Variants in KCNQ5 observed in about 807,000 individuals in gnomAD.
KCNQ5 encodes potassium voltage-gated channel subfamily KQT member 5.
In KCNQ5, 30 loss-of-function variants were observed where a neutral mutation model predicts 98.2. That is an observed-to-expected ratio of 0.31 (90% CI 0.23 to 0.41). The LOEUF (loss-of-function observed/expected upper bound fraction) is 0.41, where lower values mean the gene tolerates loss of function less well. Ranked by LOEUF, KCNQ5 falls within the 10% of genes least tolerant of loss-of-function variation. The pLI, the probability that KCNQ5 is intolerant of heterozygous loss-of-function variation, is 1.00. For synonymous variants in KCNQ5, 458 were observed against 449.4 expected (o/e 1.02, Z -0.24); for missense variants, 835 against 1,182.5 (o/e 0.71, Z 4.31).
chr6:73,094,974 C>G (rs895458085), intron 5 of KCNQ5, among the ~76,000 whole-genome samples: 1 of 152,172 alleles, frequency 6.6e-6, no homozygotes, highest in Non-Finnish European at 1.5e-5. Context: ...AGGTCTCTAG[C>G]AATGCTGGGG....
At chr6:73,002,384 C>A (rs543431979) in intron 1 of KCNQ5, among the ~76,000 whole-genome samples, 1 of 152,114 alleles carries the variant, frequency 6.6e-6, no homozygotes, top group African/African-American at 2.4e-5. Flanking sequence ...TGCTACACAA[C>A]CTTGGAAGAG....
chr6:72,665,808 T>C (rs1036824081), intron 1 of KCNQ5, among the ~76,000 whole-genome samples: 33 of 152,180 alleles, frequency 2.2e-4, no homozygotes, highest in African/African-American at 8.0e-4. Flanking sequence ...GTAATAGCCT[T>C]AGGAGGCCAC....
chr6:73,118,542 T>TAAATG (rs574509995), intron 7 of KCNQ5, among the ~76,000 whole-genome samples: 135 of 152,352 alleles, frequency 8.9e-4, no homozygotes, highest in Non-Finnish European at 1.6e-3. Context: ...ATAGGATACT[T>TAAATG]AAATGTTCAG....
chr6:72,627,026 G>A (rs956650949), intron 1 of KCNQ5, among the ~76,000 whole-genome samples: 1 of 152,160 alleles, frequency 6.6e-6, no homozygotes, highest in Non-Finnish European at 1.5e-5. Context: ...GGCTTTTTGA[G>A]TCATTCAGGT....
intron 1 of KCNQ5, among the ~76,000 whole-genome samples, chr6:72,636,734 A>G (rs1223299289): frequency 6.6e-6 from 1 of 152,252 alleles, no homozygotes; most frequent in Admixed American, 6.5e-5. Flanking sequence ...GCTTAACATA[A>G]ATAAGACATA....
intron 1 of KCNQ5, among the ~76,000 whole-genome samples, chr6:72,906,919 T>C (rs1049737762): frequency 3.9e-5 from 6 of 152,334 alleles, no homozygotes; most frequent in African/African-American, 1.4e-4. Flanking sequence ...TGCCTCTCAT[T>C]TGCCATGATG....
intron 1 of KCNQ5, among the ~76,000 whole-genome samples, chr6:72,762,582 G>A (rs532873233): frequency 3.7e-4 from 56 of 152,154 alleles, no homozygotes; most frequent in African/African-American, 8.9e-4. Context: ...ACATCAGGAC[G>A]AAAAGGTGGT....
At chr6:73,183,256 A>T (rs1485442820) in intron 11 of KCNQ5, among the ~76,000 whole-genome samples, 1 of 152,240 alleles carries the variant, frequency 6.6e-6, no homozygotes, top group Non-Finnish European at 1.5e-5. Flanking sequence ...GAGCCTTGGC[A>T]TCTGCAGTAA....
At chr6:72,848,404 T>A (rs1777105882) in intron 1 of KCNQ5, among the ~76,000 whole-genome samples, 2 of 152,216 alleles carry the variant, frequency 1.3e-5, no homozygotes, top group South Asian at 4.2e-4. Flanking sequence ...CCCTTAATAG[T>A]GATAAAGTTT....
At chr6:73,114,526 CT>C in intron 7 of KCNQ5, among the ~76,000 whole-genome samples, 1 of 152,286 alleles carries the variant, frequency 6.6e-6, no homozygotes, top group South Asian at 2.1e-4. Flanking sequence ...CTGGAGCAGT[CT>C]GGAAAAAGAA....
intron 2 of KCNQ5, among the ~76,000 whole-genome samples, chr6:73,032,321 C>T (rs1298577251): frequency 6.6e-6 from 1 of 152,124 alleles, no homozygotes; most frequent in Non-Finnish European, 1.5e-5. Context: ...GCACCTGTCA[C>T]CATGCCTGGC....
At chr6:72,950,862 A>G (rs1209782036) in intron 1 of KCNQ5, among the ~76,000 whole-genome samples, 2 of 152,220 alleles carry the variant, frequency 1.3e-5, no homozygotes, top group Non-Finnish European at 2.9e-5. Flanking sequence ...ATAAGGATTA[A>G]TCATCCAAAT....
chr6:72,957,170 C>CTTT (rs11374806), intron 1 of KCNQ5, among the ~76,000 whole-genome samples: 25 of 125,288 alleles, frequency 2.0e-4, no homozygotes, highest in Non-Finnish European at 3.1e-4. Flanking sequence ...ATGTAGGAAG[C>CTTT]TTTTTTTTTT....
At chr6:72,677,445 T>C (rs1423057150) in intron 1 of KCNQ5, among the ~76,000 whole-genome samples, 1 of 152,202 alleles carries the variant, frequency 6.6e-6, no homozygotes, top group Non-Finnish European at 1.5e-5. Context: ...GGCCATACCA[T>C]GAACTTTTCT....
rs11961021 is a variant in KCNQ5 at position 73,186,050 on chromosome 6, C to T, written c.1578-4523C>T. Among the ~76,000 whole-genome samples the T allele has an allele frequency of 4.5e-3, 677 of 151,484 alleles. 6 individuals carry two copies. The highest frequency in any genetic ancestry group is 0.015 in the African/African-American group (608 of 41,008). On this transcript the variant is annotated intron_variant, in intron 11 of 13. Transcript: ENST00000370398. ...GACCAGCCTGGGCAACATAGGGAGA[C>T]CCCCCCTATCTCTGCAAAAAATATA...
intron 8 of KCNQ5, among the ~76,000 whole-genome samples, chr6:73,124,168 C>CTA (rs1775855805): frequency 6.6e-6 from 1 of 152,200 alleles, no homozygotes; most frequent in South Asian, 2.1e-4. Context: ...AGAGCCCTTG[C>CTA]TAATTCTGGT....
intron 1 of KCNQ5, among the ~76,000 whole-genome samples, chr6:72,800,546 A>G (rs1003521071): frequency 2.0e-5 from 3 of 152,060 alleles, no homozygotes; most frequent in Non-Finnish European, 4.4e-5. Flanking sequence ...CTAGCGGTCT[A>G]TCAATTTTGT....
chr6:72,844,904 A>T (rs1776955568), intron 1 of KCNQ5, among the ~76,000 whole-genome samples: 1 of 152,194 alleles, frequency 6.6e-6, no homozygotes, highest in African/African-American at 2.4e-5. Flanking sequence ...TTATAGCTCC[A>T]TGCAGCTTTG....
chr6:73,136,505 G>A (rs1395531577), intron 10 of KCNQ5: 4 of 152,202 alleles, frequency 2.6e-5, no homozygotes, highest in African/African-American at 7.2e-5. Flanking sequence ...TTTCATACGA[G>A]TACAGTTTTG....
Sources: gnomAD v4.1 joint callset for allele counts (sites outside exome capture counted in the v4.1 genomes callset) on GRCh38, gnomAD v4.1.1 for gene constraint, MANE v1.5 for transcripts, NCBI Gene and HGNC (gene_info 2026-07-23, HGNC 2026-07-21) for gene names.